KIF27: variants seen among roughly 807,000 people sequenced by gnomAD.
KIF27 encodes kinesin family member 27, also known as kinesin-like protein KIF27.
A neutral mutation model predicts 141.8 loss-of-function variants in KIF27; 84 were observed. That is an observed-to-expected ratio of 0.59 (90% CI 0.50 to 0.71). The LOEUF is 0.71. Ranked by LOEUF, KIF27 falls within the 30% of genes least tolerant of loss-of-function variation. KIF27 has a pLI of 0.00. For missense variants in KIF27, 1,306 were observed against 1,628.4 expected (o/e 0.80, Z 3.41); for synonymous variants, 471 against 569.5 (o/e 0.83, Z 2.46).
chr9:83,907,159 G>A (rs1354161075), intron 3 of KIF27, among the ~76,000 whole-genome samples: 6 of 151,598 alleles, frequency 4.0e-5, no homozygotes, highest in East Asian at 1.9e-4. Context: ...ACATGGTGGC[G>A]GGCGCCTGTA....
At chr9:83,906,196 A>G (rs1184151068) in intron 3 of KIF27, among the ~76,000 whole-genome samples, 2 of 152,194 alleles carry the variant, frequency 1.3e-5, no homozygotes, top group Non-Finnish European at 2.9e-5. Flanking sequence ...ACTGTACTGA[A>G]TTATCTAATA....
At chr9:83,847,007 G>A (rs1312128646) in intron 16 of KIF27, among the ~76,000 whole-genome samples, 2 of 152,120 alleles carry the variant, frequency 1.3e-5, no homozygotes, top group African/African-American at 2.4e-5. Context: ...CCATTAGGGC[G>A]TCGCTTAGTA....
chr9:83,908,552 T>A lies in KIF27; in HGVS notation c.399A>T (p.Val133=). ...EHPSIDFNVK[V]SYIEVYKEDL... ...CTTCCTTGTACACTTCTATATAAGA[T>A]ACTTTTACATTAAAGTCAATGCTAG... is the stretch of plus-strand genomic sequence containing the variant. The change falls in exon 3 of 18, where the codon GTA becomes GTT. Residue 133 remains valine (V), a synonymous_variant. Coordinates refer to ENST00000297814, the MANE Select transcript of KIF27 (RefSeq NM_017576.4). 1 of 1,610,372 alleles carries A rather than the reference T, an allele frequency of 6.2e-7. No individual in the cohort carries two copies. The highest frequency in any genetic ancestry group is 8.5e-7 in the Non-Finnish European group (1 of 1,176,864).
At chr9:83,887,002 T>C in intron 9 of KIF27, 39 bp downstream of exon 9, 2 of 1,496,402 alleles carry the variant, frequency 1.3e-6, no homozygotes, top group South Asian at 2.8e-5. Flanking sequence ...TTTAAGAAGT[T>C]TTCTTTCTCA....
chr9:83,844,870 A>G (rs1947055194), intron 16 of KIF27, among the ~76,000 whole-genome samples: 1 of 152,204 alleles, frequency 6.6e-6, no homozygotes, highest in African/African-American at 2.4e-5. Context: ...TACAACCAAG[A>G]AAGAGGCACA....
chr9:83,848,454 A>G (rs923442638), intron 16 of KIF27, among the ~76,000 whole-genome samples: 1 of 139,920 alleles, frequency 7.1e-6, no homozygotes, highest in Non-Finnish European at 1.5e-5. Flanking sequence ...CTATATGTAT[A>G]TATCTATATC....
At chr9:83,902,374 A>G (rs1164713605) in intron 4 of KIF27, among the ~76,000 whole-genome samples, 3 of 152,186 alleles carry the variant, frequency 2.0e-5, no homozygotes, top group Admixed American at 6.5e-5. Flanking sequence ...ACTCCACCCA[A>G]GCAAGCAGTA....
intron 9 of KIF27, among the ~76,000 whole-genome samples, chr9:83,884,277 A>G (rs1951911127): frequency 6.6e-6 from 1 of 152,066 alleles, no homozygotes. Context: ...TTAGAGTGAC[A>G]TCTCTGGTCC....
rs969469412 is a variant in KIF27 at position 83,836,530 on chromosome 9, C to T, written c.*471G>A. Among the ~76,000 whole-genome samples the T allele has an allele frequency of 1.3e-5, 2 of 152,010 alleles. No homozygotes were observed. Among genetic ancestry groups the T allele is most frequent in the Non-Finnish European group, 2.9e-5 (2 of 68,002 alleles). On this transcript the variant is annotated 3_prime_UTR_variant, in exon 18 of 18. Transcript: ENST00000297814. The stretch of plus-strand genomic sequence containing the variant: ...TCAATCCATAAAGCTGAGAGGTTGT[C>T]TTAGCCCACATATGCAGCAGGTGAC...
intron 17 of KIF27, among the ~76,000 whole-genome samples, chr9:83,841,961 A>T (rs1564267379): frequency 6.6e-6 from 1 of 152,322 alleles, no homozygotes; most frequent in Admixed American, 6.5e-5. Context: ...TATGTTAGAT[A>T]ATATAGTTAA....
chr9:83,898,466 A>C (rs1588232859), intron 5 of KIF27, among the ~76,000 whole-genome samples: 1 of 152,180 alleles, frequency 6.6e-6, no homozygotes, highest in Non-Finnish European at 1.5e-5. Flanking sequence ...AATGATTACC[A>C]TGTAAGTCAA....
intron 1 of KIF27, among the ~76,000 whole-genome samples, chr9:83,918,827 G>C (rs180876364): frequency 2.0e-5 from 3 of 152,282 alleles, no homozygotes; most frequent in Non-Finnish European, 4.4e-5. Flanking sequence ...TGTAATCCCA[G>C]CATTTTGGGA....
intron 14 of KIF27, among the ~76,000 whole-genome samples, chr9:83,854,755 G>A (rs1175737775): frequency 6.6e-6 from 1 of 151,976 alleles, no homozygotes; most frequent in Non-Finnish European, 1.5e-5. Context: ...ACAAATCTGT[G>A]GTAAAGAATT....
At position 83,859,316 on chromosome 9, in the gene KIF27, T is replaced by G. The variant is rs1391407824; in HGVS notation, c.2990A>C (p.Glu997Ala). ...GAGCTGCACATTCTTTTCAGACAAC[T>G]CTTGTTCCAGTAAGTTCAGGCGAGT... Reference protein sequence around the residue: ...ISTRLNLLEQELSEKNVQLQT... With the variant: ...ISTRLNLLEQALSEKNVQLQT... Residue 997 changes from glutamate to alanine, a missense_variant, in exon 14 of 18, where the codon GAG becomes GCG. By Grantham distance (107) the Glu-to-Ala change is moderately radical (BLOSUM62 -1). Transcript: ENST00000297814. 3.1e-6 allele frequency: 5 copies of G among 1,614,144 alleles called. No homozygotes were observed. The highest frequency in any genetic ancestry group is 4.2e-6 in the Non-Finnish European group (5 of 1,180,014).
At position 83,887,246 on chromosome 9, in the gene KIF27, C is replaced by T. The variant is rs185127971; in HGVS notation, c.2084-50G>A. 2.9e-3 allele frequency: 3,606 copies of T among 1,251,968 alleles called. 5 individuals carry two copies. Among genetic ancestry groups the T allele is most frequent in the Middle Eastern group, 9.7e-3 (47 of 4,860 alleles). 77.6% of individuals were successfully genotyped at this position (1,251,968 alleles called of 1,614,324 possible). A position where few individuals can be genotyped will look rare whatever the true frequency, so the allele number is the denominator to read the frequency against. On this transcript the variant is annotated intron_variant, in intron 8 of 17. Transcript: ENST00000297814. Reference sequence around the variant, plus strand: ...AACTATCTGCTGGTAAAATATTCAACAGAAGTAGAGTTAAAAAAAGAAAAG... The same window carrying T: ...AACTATCTGCTGGTAAAATATTCAATAGAAGTAGAGTTAAAAAAAGAAAAG...
intron 5 of KIF27, among the ~76,000 whole-genome samples, chr9:83,893,743 TA>T (rs1374221238): frequency 6.6e-6 from 1 of 151,922 alleles, no homozygotes; most frequent in East Asian, 1.9e-4. Context: ...AGGAATTAAA[TA>T]ATAAAGGGCA....
intron 5 of KIF27, among the ~76,000 whole-genome samples, chr9:83,892,426 CACT>C (rs1308503218): frequency 1.3e-5 from 2 of 151,068 alleles, no homozygotes; most frequent in African/African-American, 2.4e-5. Context: ...CTAGGATAAC[CACT>C]AAAAAAAGAG....
At position 83,908,617 on chromosome 9, in the gene KIF27, G is replaced by A. The variant is rs147431079; in HGVS notation, c.334C>T (p.Arg112Ter). Residue 112 changes from arginine to a stop codon, truncating the protein, a stop_gained, in exon 3 of 18, where the codon CGA becomes TGA. Coordinates refer to ENST00000297814, the MANE Select transcript of KIF27 (RefSeq NM_017576.4). LOFTEE classifies it high-confidence loss of function. ...CTTTGAAATATTTCTTGAATAGCTCGAGGAATGATACCCTTTTGGCCCTCC... is the reference window on the plus strand; with the variant it reads ...CTTTGAAATATTTCTTGAATAGCTCAAGGAATGATACCCTTTTGGCCCTCC... ...VVEGQKGIIP[R>*]AIQEIFQSIS... is the part of the protein sequence containing the mutation. 1.1e-5 allele frequency: 18 copies of A among 1,611,720 alleles called. No homozygotes were observed. The highest frequency in any genetic ancestry group is 5.3e-5 in the African/African-American group (4 of 74,874).
At chr9:83,850,737 T>C (rs2131685365) in intron 15 of KIF27, among the ~76,000 whole-genome samples, 1 of 148,408 alleles carries the variant, frequency 6.7e-6, no homozygotes, top group South Asian at 2.2e-4. Context: ...GGAGCCAAGA[T>C]CGCCCCATTG....
Sources: allele counts gnomAD v4.1 joint callset (sites outside exome capture counted in the v4.1 genomes callset), GRCh38; gene constraint gnomAD v4.1.1; transcripts MANE v1.5; gene names NCBI Gene and HGNC (gene_info 2026-07-23, HGNC 2026-07-21).